SCAF4: variants seen among roughly 807,000 people sequenced by gnomAD.
The protein encoded by SCAF4 is SR-related CTD associated factor 4, also known as SR-related and CTD-associated factor 4.
A neutral mutation model predicts 129.8 loss-of-function variants in SCAF4; 25 were observed. The ratio of observed to expected loss-of-function variants is 0.19; its 90% CI spans 0.14 to 0.27. The LOEUF is 0.27. Ranked by LOEUF, SCAF4 falls within the 10% of genes least tolerant of loss-of-function variation. The probability of loss-of-function intolerance (pLI) is 1.00; values close to 1 mark genes in which losing one functional copy is unlikely to be tolerated. For synonymous variants in SCAF4, 551 were observed against 497.7 expected (o/e 1.11, Z -1.43); for missense variants, 1,246 against 1,457.1 (o/e 0.86, Z 2.36).
At chr21:31,696,305 C>A in intron 8 of SCAF4, 84 bp from the exon 9 acceptor site, 2 of 1,017,992 alleles carry the variant, frequency 2.0e-6, no homozygotes, top group South Asian at 1.4e-5. Context: ...GAGTGTTGTT[C>A]ATGAGTCATT....
chr21:31,674,068 G>A (rs1460333328), intron 19 of SCAF4, among the ~76,000 whole-genome samples: 1 of 152,144 alleles, frequency 6.6e-6, no homozygotes, highest in Non-Finnish European at 1.5e-5. Flanking sequence ...GATTCCTGAA[G>A]GGCAATGGGA....
chr21:31,731,573 G>A (rs982266601), intron 1 of SCAF4, 90 bp downstream of exon 1: 12 of 1,465,582 alleles, frequency 8.2e-6, no homozygotes, highest in African/African-American at 1.5e-5. Flanking sequence ...GTCCCCACCC[G>A]GACCAAAGCT....
intron 7 of SCAF4, among the ~76,000 whole-genome samples, chr21:31,699,615 T>A (rs1004084768): frequency 5.3e-5 from 8 of 152,172 alleles, no homozygotes; most frequent in Non-Finnish European, 1.2e-4. Flanking sequence ...AAACTGGTAT[T>A]TACTAGGTGG....
intron 3 of SCAF4, among the ~76,000 whole-genome samples, chr21:31,704,630 CA>C (rs1454592063): frequency 2.0e-5 from 3 of 151,796 alleles, no homozygotes; most frequent in Non-Finnish European, 4.4e-5. Context: ...ACGATAAACT[CA>C]GTGGGAAAAG....
chr21:31,701,875 T>C lies in SCAF4; in HGVS notation c.501A>G (p.Thr167=). 1 of 1,613,920 alleles carries C rather than the reference T, an allele frequency of 6.2e-7. No individual in the cohort carries two copies. The highest frequency in any genetic ancestry group is 8.5e-7 in the Non-Finnish European group (1 of 1,179,980). The change falls in exon 6 of 20, where the codon ACA becomes ACG. Residue 167 remains threonine, a synonymous_variant. Transcript: ENST00000286835. The part of the protein sequence containing the change: ...PPVKVSSEPP[T]QATPNSVPAV... ...CTGGGACGGAGTTTGGAGTGGCTTG[T>C]GTGGGAGGTTCAGAAGAAACTTTTA...
intron 19 of SCAF4, among the ~76,000 whole-genome samples, chr21:31,673,502 G>A (rs558018966): frequency 3.0e-5 from 4 of 133,136 alleles, no homozygotes; most frequent in South Asian, 2.1e-4. Flanking sequence ...CAGCAAAAGC[G>A]CCAGAAATTG....
At chr21:31,691,560 C>T (rs1396472128) in intron 14 of SCAF4, among the ~76,000 whole-genome samples, 1 of 151,686 alleles carries the variant, frequency 6.6e-6, no homozygotes, top group Non-Finnish European at 1.5e-5. Context: ...CACTAATTTA[C>T]CATGATGAAC....
intron 3 of SCAF4, among the ~76,000 whole-genome samples, chr21:31,705,154 G>T (rs1329716478): frequency 1.3e-5 from 2 of 152,152 alleles, no homozygotes; most frequent in Non-Finnish European, 2.9e-5. Flanking sequence ...TCAGGGCAAG[G>T]GGGTAGAGTA....
At chr21:31,698,086 C>T (rs1445155778) in intron 7 of SCAF4, among the ~76,000 whole-genome samples, 2 of 152,126 alleles carry the variant, frequency 1.3e-5, no homozygotes, top group Non-Finnish European at 2.9e-5. Context: ...AAAAACAAAA[C>T]CTATGATCTT....
intron 4 of SCAF4, among the ~76,000 whole-genome samples, 154 bp from the exon 5 acceptor site, chr21:31,702,533 C>G (rs944135678): frequency 6.6e-6 from 1 of 151,924 alleles, no homozygotes; most frequent in Non-Finnish European, 1.5e-5. Flanking sequence ...GAATTACAAC[C>G]TGGTTAAACT....
chr21:31,722,584 T>G (rs1263144099), intron 1 of SCAF4, among the ~76,000 whole-genome samples: 2 of 152,214 alleles, frequency 1.3e-5, no homozygotes, highest in Non-Finnish European at 2.9e-5. Flanking sequence ...AAAGTGGTTA[T>G]CAAATATAAT....
At chr21:31,719,106 C>T (rs572786316) in intron 1 of SCAF4, among the ~76,000 whole-genome samples, 24 of 152,204 alleles carry the variant, frequency 1.6e-4, no homozygotes, top group African/African-American at 5.1e-4. Flanking sequence ...GCCTGATCAA[C>T]ATGGAGAAAC....
At chr21:31,684,459 G>A (rs2050067019) in intron 19 of SCAF4, 1 of 152,970 alleles carries the variant, frequency 6.5e-6, no homozygotes, top group Admixed American at 6.5e-5. Flanking sequence ...TGGGTAAAAA[G>A]TACAACAGAT....
At chr21:31,714,429 A>G (rs1489903703) in intron 1 of SCAF4, among the ~76,000 whole-genome samples, 1 of 152,192 alleles carries the variant, frequency 6.6e-6, no homozygotes, top group African/African-American at 2.4e-5. Flanking sequence ...TCAGCAGTAG[A>G]TATGAGCTTG....
chr21:31,724,734 A>AC (rs563050613), intron 1 of SCAF4, among the ~76,000 whole-genome samples: 255 of 152,336 alleles, frequency 1.7e-3, no homozygotes, highest in African/African-American at 5.8e-3. Flanking sequence ...AAACAAACAA[A>AC]AAAAAACTAC....
intron 1 of SCAF4, among the ~76,000 whole-genome samples, chr21:31,724,056 T>A (rs1197057671): frequency 6.6e-6 from 1 of 152,212 alleles, no homozygotes; most frequent in Non-Finnish European, 1.5e-5. Context: ...TACTTACTTA[T>A]CTATGTCTTA....
rs545875854 is a variant in SCAF4 at position 31,723,649 on chromosome 21, C to A, written c.30+8014G>T. On this transcript the variant is annotated intron_variant, in intron 1 of 19. Transcript: ENST00000286835. ...GTGTGTGCGCGCGCGCGCGCGCGCA[C>A]ATACAGTTCAAGTTTTCTTTCTGGC... is the stretch of plus-strand genomic sequence containing the variant. Among the ~76,000 whole-genome samples the A allele has an allele frequency of 4.7e-5, 7 of 149,574 alleles. No individual in the cohort carries two copies. The South Asian group carries it at 1.2e-3, about 27-fold the overall frequency.
chr21:31,721,376 T>G (rs1265154939), intron 1 of SCAF4, among the ~76,000 whole-genome samples: 1 of 152,220 alleles, frequency 6.6e-6, no homozygotes, highest in Non-Finnish European at 1.5e-5. Context: ...GTTTAAAGAC[T>G]ATTATATATT....
rs569802344 is a variant in SCAF4, at chr21:31,697,632, G to A, written c.778-882C>T. On this transcript the variant is annotated intron_variant, in intron 7 of 19. Coordinates refer to ENST00000286835, the MANE Select transcript of SCAF4 (RefSeq NM_020706.2). The stretch of plus-strand genomic sequence containing the variant: ...AATAAGCAATCTTTCCTTTCAAGCC[G>A]TGCTCATTCTGCTTATAGACTTCAA... Among the ~76,000 whole-genome samples the A allele has an allele frequency of 3.9e-5, 6 of 152,286 alleles. 1 individual carries two copies. The highest frequency in any genetic ancestry group is 2.1e-4 in the South Asian group (1 of 4,830).
Sources: allele counts gnomAD v4.1 joint callset (sites outside exome capture counted in the v4.1 genomes callset), GRCh38; gene constraint gnomAD v4.1.1; transcripts MANE v1.5; gene names NCBI Gene and HGNC (gene_info 2026-07-23, HGNC 2026-07-21).